RANBP1: variants seen among roughly 807,000 people sequenced by gnomAD.
RANBP1 encodes the protein RAN binding protein 1.
In RANBP1, 16 loss-of-function variants were observed where a neutral mutation model predicts 31.4. The observed-to-expected ratio is 0.51, with a 90% confidence interval of 0.34 to 0.77. RANBP1 has a LOEUF of 0.77. Ranked by LOEUF, RANBP1 falls within the 30% of genes least tolerant of loss-of-function variation. RANBP1 has a pLI of 0.01. For synonymous variants in RANBP1, 129 were observed against 140.5 expected, an observed-to-expected ratio of 0.92 and a Z score of 0.58; for missense variants, 265 against 362.0, an observed-to-expected ratio of 0.73 and a Z score of 2.17.
At position 20,122,579 on chromosome 22, in the gene RANBP1, G is replaced by C; in HGVS notation, c.541+158G>C. 1.9e-6 allele frequency: 3 copies of C among 1,541,686 alleles called. No homozygotes were observed. In the African/African-American group the frequency reaches 4.1e-5, roughly 21 times the overall value. On this transcript the variant is annotated intron_variant, in intron 3 of 5. Coordinates refer to ENST00000430524, the MANE Select transcript of RANBP1 (RefSeq NM_001278639.2). Reference sequence around the variant, plus strand: ...TTTAAAACCAGAAATACGTTTTTCAGACGTGCCTCTGAACTCAGAGCAGGC... The same window carrying C: ...TTTAAAACCAGAAATACGTTTTTCACACGTGCCTCTGAACTCAGAGCAGGC...
chr22:20,120,193 C>A (rs990923228), intron 2 of RANBP1, among the ~76,000 whole-genome samples: 1 of 152,128 alleles, frequency 6.6e-6, no homozygotes, highest in Non-Finnish European at 1.5e-5. Flanking sequence ...CTGTGAGTTT[C>A]CTATCCAAGG....
Position 20,116,321 on chromosome 22 carries a change from A to G in RANBP1, c.137A>G (p.Lys46Arg), listed in dbSNP as rs2050016799. Residue 46 changes from lysine to arginine, a missense_variant, in exon 1 of 6, where the codon AAG (lysine) becomes AGG (arginine). By Grantham distance (26) the Lys-to-Arg change is conservative. Transcript: ENST00000430524. ...NVTKAQGGCP[K>R]SLVLWGCRPK... Reference sequence around the variant, plus strand: ...ACAAAGGCGCAGGGTGGTTGCCCAAAGAGTTTGGTTTTGTGGGGCTGCAGA... The same window carrying G: ...ACAAAGGCGCAGGGTGGTTGCCCAAGGAGTTTGGTTTTGTGGGGCTGCAGA... 6.2e-7 allele frequency: 1 copy of G among 1,612,808 alleles called. No homozygotes were observed. The highest frequency in any genetic ancestry group is 8.5e-7 in the Non-Finnish European group (1 of 1,180,010).
chr22:20,125,225 G>A (rs2050269253), intron 3 of RANBP1, 83 bp from the exon 4 acceptor site: 1 of 1,536,850 alleles, frequency 6.5e-7, no homozygotes. Flanking sequence ...TCAGGTTGGT[G>A]AGCAGGGTGC....
intron 3 of RANBP1, 132 bp from the exon 4 acceptor site, chr22:20,125,176 C>T: frequency 2.0e-6 from 2 of 1,015,248 alleles, no homozygotes; most frequent in Non-Finnish European, 3.0e-6. Flanking sequence ...CCTGGTTCTC[C>T]AACCCCAGAC....
At chr22:20,119,399 C>T (rs1486781804) in intron 2 of RANBP1, 2 of 457,406 alleles carry the variant, frequency 4.4e-6, no homozygotes, top group Non-Finnish European at 7.8e-6. Context: ...GGCATGGCGG[C>T]CCCACTGCCC....
In RANBP1 at chr22:20,117,272, C is replaced by A. The variant is rs2050056880; in HGVS notation, c.246+842C>A. On this transcript the variant is annotated intron_variant, in intron 1 of 5. Transcript: ENST00000430524. ...TCATCGTCACGCGCCGGATCCAACCCCCAACCACTTTAGCCAGCTCTAGAG... is the reference window on the plus strand; with the variant it reads ...TCATCGTCACGCGCCGGATCCAACCACCAACCACTTTAGCCAGCTCTAGAG... The A allele has an allele frequency of 5.8e-6, 4 of 684,448 alleles. No homozygotes were observed. The South Asian group carries it at 1.4e-4, about 24-fold the overall frequency. The allele number at this position is 684,448 out of a possible 1,614,324, so 42.4% of individuals were successfully genotyped here. A position where few individuals can be genotyped will look rare whatever the true frequency, so the allele number is the denominator to read the frequency against.
chr22:20,126,483 C>T (rs552651233), intron 5 of RANBP1, 115 bp downstream of exon 5: 12 of 1,599,062 alleles, frequency 7.5e-6, no homozygotes, highest in Admixed American at 5.1e-5. Context: ...GTGCTGTGGC[C>T]GCCTCACGTA....
At chr22:20,117,769 G>A in intron 1 of RANBP1, 1 of 1,065,208 alleles carries the variant, frequency 9.4e-7, no homozygotes, top group Non-Finnish European at 1.1e-6. Flanking sequence ...CCGCCGGCCT[G>A]CAGGCTCGGC....
chr22:20,126,400 T>C lies in RANBP1; in HGVS notation c.736+32T>C, dbSNP rs370295482. On this transcript the variant is annotated intron_variant, in intron 5 of 5. Transcript: ENST00000430524. ...TGGTGCCATGGGTTGGGGGGCTTCT[T>C]TGCAGACTCACTCTGCATCTGACTA... 2.5e-5 allele frequency: 40 copies of C among 1,613,840 alleles called. 1 individual carries two copies. Among genetic ancestry groups the C allele is most frequent in the East Asian group, 2.5e-4 (11 of 44,882 alleles).
intron 2 of RANBP1, among the ~76,000 whole-genome samples, chr22:20,119,861 G>A (rs563258681): frequency 1.3e-5 from 2 of 152,292 alleles, no homozygotes; most frequent in East Asian, 1.9e-4. Context: ...ATGAAAATAG[G>A]TGATGGTTTA....
At chr22:20,119,340 C>T in intron 2 of RANBP1, 191 bp downstream of exon 2, 2 of 595,966 alleles carry the variant, frequency 3.4e-6, no homozygotes, top group Non-Finnish European at 5.9e-6. Flanking sequence ...CCCTTGCTGC[C>T]CTGCAGCCAG....
At chr22:20,119,535 G>T in intron 2 of RANBP1, 1 of 212,598 alleles carries the variant, frequency 4.7e-6, no homozygotes, top group South Asian at 7.1e-5. Flanking sequence ...GTCTGTTGTT[G>T]TTGTTGTTTT....
At position 20,125,614 on chromosome 22, in the gene RANBP1, C is replaced by T. The variant is rs1280580782; in HGVS notation, c.670+178C>T. 4 of 1,502,306 alleles carry T rather than the reference C, an allele frequency of 2.7e-6. No individual in the cohort carries two copies. The Admixed American group carries it at 6.3e-5, about 23-fold the overall frequency. 93.1% of individuals were successfully genotyped at this position (1,502,306 alleles called of 1,614,324 possible). On this transcript the variant is annotated intron_variant, in intron 4 of 5. Coordinates refer to ENST00000430524, the MANE Select transcript of RANBP1 (RefSeq NM_001278639.2). The stretch of plus-strand genomic sequence containing the variant: ...GCCATGCCCAGACTGAAGCCATGAG[C>T]AGCGCCTTCCCCCTTAAACTCAAAG...
intron 1 of RANBP1, chr22:20,117,075 C>A: frequency 1.1e-6 from 1 of 880,212 alleles, no homozygotes; most frequent in Non-Finnish European, 1.7e-6. Context: ...CGGCTTCGCC[C>A]CAGGCGGGGC....
rs2050097688 is a variant in RANBP1 at position 20,118,443 on chromosome 22, G to GA, written c.247-564dup. ...TTATTAACTTAGTTTTCTGAACTGT[G>GA]AAAAAATTGCTGGCAGAGCTGTGAA... On this transcript the variant is annotated intron_variant, in intron 1 of 5. Transcript: ENST00000430524. The GA allele has an allele frequency of 8.7e-5, 71 of 812,032 alleles. 1 individual carries two copies. In the South Asian group the frequency reaches 3.3e-3, roughly 38 times the overall value. The allele number at this position is 812,032 out of a possible 1,614,324, so 50.3% of individuals were successfully genotyped here. A position where few individuals can be genotyped will look rare whatever the true frequency, so the allele number is the denominator to read the frequency against.
rs769265960 is a variant in RANBP1 at position 20,116,287 on chromosome 22, C to T, written c.103C>T (p.Arg35Trp). 8.7e-6 allele frequency: 14 copies of T among 1,612,948 alleles called. No individual in the cohort carries two copies. In the Middle Eastern group the frequency reaches 4.9e-4, roughly 57 times the overall value. ...GGCCTTGTCCCTCTCTGCAGCGCTG[C>T]GGAATGTCACAAAGGCGCAGGGTGG... ...RRALSLSAAL[R>W]NVTKAQGGCP... is the part of the protein sequence containing the mutation. Residue 35 changes from arginine to tryptophan, a missense_variant, in exon 1 of 6, where the codon CGG (arginine) becomes TGG (tryptophan). Arg to Trp is a moderately radical substitution (Grantham distance 101). Coordinates refer to ENST00000430524, the MANE Select transcript of RANBP1 (RefSeq NM_001278639.2).
intron 5 of RANBP1, 142 bp from the exon 6 acceptor site, chr22:20,126,810 G>A (rs2050310208): frequency 5.2e-6 from 7 of 1,356,922 alleles, no homozygotes; most frequent in South Asian, 2.7e-5. Flanking sequence ...ACTCCAGGAG[G>A]CGGCTTGGCC....
chr22:20,126,932 T>C lies in RANBP1; in HGVS notation c.737-20T>C. ...ATGCACCGTGCTTCTGTTTTCTCACTGTGCTGCTTGTGTTTTTAGCAGGAT... is the reference window on the plus strand; with the variant it reads ...ATGCACCGTGCTTCTGTTTTCTCACCGTGCTGCTTGTGTTTTTAGCAGGAT... On this transcript the variant is annotated intron_variant, in intron 5 of 5. Transcript: ENST00000430524. The C allele has an allele frequency of 5.6e-6, 9 of 1,609,184 alleles. No individual in the cohort carries two copies. Among genetic ancestry groups the C allele is most frequent in the Non-Finnish European group, 7.6e-6 (9 of 1,177,766 alleles).
chr22:20,126,136 A>G (rs1320623943), intron 4 of RANBP1, among the ~76,000 whole-genome samples, 167 bp from the exon 5 acceptor site: 1 of 152,252 alleles, frequency 6.6e-6, no homozygotes, highest in South Asian at 2.1e-4. Context: ...GTGCAGTCAG[A>G]TGAAGGAGAC....
Sources: allele counts gnomAD v4.1 joint callset (sites outside exome capture counted in the v4.1 genomes callset), GRCh38; gene constraint gnomAD v4.1.1; transcripts MANE v1.5; gene names NCBI Gene and HGNC (gene_info 2026-07-23, HGNC 2026-07-21).